The following ARPIN variants were observed in gnomAD, a reference collection of about 807,000 sequenced individuals.
The protein encoded by ARPIN is UPF0552 protein C15orf38.
A neutral mutation model predicts 25.9 loss-of-function variants in ARPIN; 23 were observed. The ratio of observed to expected loss-of-function variants is 0.89; its 90% confidence interval spans 0.64 to 1.26. The LOEUF is 1.26. Among genes scored for constraint, ARPIN ranks in the 50% most tolerant of loss-of-function variants. ARPIN has a pLI of 0.00. For missense variants in ARPIN, 333 were observed against 312.2 expected, an observed-to-expected ratio of 1.07 and a Z score of -0.50; for synonymous variants, 126 against 131.4, an observed-to-expected ratio of 0.96 and a Z score of 0.28.
Position 89,901,628 on chromosome 15 carries a change from G to A in ARPIN, c.*167C>T. 1.3e-6 allele frequency: 1 copy of A among 785,150 alleles called. No homozygotes were observed. The highest frequency in any genetic ancestry group is 2.1e-6 in the Non-Finnish European group (1 of 481,628). The allele number at this position is 785,150 out of a possible 1,614,324, so 48.6% of individuals were successfully genotyped here. A position where few individuals can be genotyped will look rare whatever the true frequency, so the allele number is the denominator to read the frequency against. On this transcript the variant is annotated 3_prime_UTR_variant, in exon 6 of 6. Coordinates refer to ENST00000357484, the MANE Select transcript of ARPIN (RefSeq NM_182616.4). ...CCCACCACCAACACAGTGGTCATGG[G>A]TTTGGTTTTAGCAGAGCTTGTTCAA...
chr15:89,896,878 C>A lies in ARPIN; in HGVS notation c.*4917G>T, dbSNP rs1896939226. On this transcript the variant is annotated 3_prime_UTR_variant, in exon 6 of 6. Coordinates refer to ENST00000357484, the MANE Select transcript of ARPIN (RefSeq NM_182616.4). ...TTTAAAAATGTTTTCATACCCAATT[C>A]TCACAAGGGCAGCATAAAAATGGTT... The A allele has an allele frequency of 6.6e-6, 1 of 152,164 alleles. No homozygotes were observed. The highest frequency in any genetic ancestry group is 1.5e-5 in the Non-Finnish European group (1 of 68,040). 9.4% of individuals were successfully genotyped at this position (152,164 alleles called of 1,614,324 possible). A position where few individuals can be genotyped will look rare whatever the true frequency, so the allele number is the denominator to read the frequency against.
rs1897240855 is a variant in ARPIN, at chr15:89,912,429, C to A, written c.92+315G>T. 6.8e-6 allele frequency: 8 copies of A among 1,180,342 alleles called. No homozygotes were observed. The South Asian group carries it at 8.7e-5, about 13-fold the overall frequency. 73.1% of individuals were successfully genotyped at this position (1,180,342 alleles called of 1,614,324 possible). A position where few individuals can be genotyped will look rare whatever the true frequency, so the allele number is the denominator to read the frequency against. ...GGCAAGTAGCTGGAGTTTATAGTTA[C>A]GCGGGTGGGGTGGGGCCGGAGGTCG... On this transcript the variant is annotated intron_variant, in intron 1 of 5. Coordinates refer to ENST00000357484, the MANE Select transcript of ARPIN (RefSeq NM_182616.4).
At chr15:89,912,663 T>TTTGGGC in intron 1 of ARPIN, 81 bp downstream of exon 1, 5 of 871,064 alleles carry the variant, frequency 5.7e-6, no homozygotes, top group Middle Eastern at 5.5e-4. Flanking sequence ...CCCACCCGCA[T>TTTGGGC]CCCACCCCCC....
chr15:89,897,667 A>T lies in ARPIN; in HGVS notation c.*4128T>A, dbSNP rs1896951633. 1 of 152,252 alleles carries T rather than the reference A, an allele frequency of 6.6e-6. No individual in the cohort carries two copies. The highest frequency in any genetic ancestry group is 1.5e-5 in the Non-Finnish European group (1 of 68,050). 9.4% of individuals were successfully genotyped at this position (152,252 alleles called of 1,614,324 possible). A position where few individuals can be genotyped will look rare whatever the true frequency, so the allele number is the denominator to read the frequency against. On this transcript the variant is annotated 3_prime_UTR_variant, in exon 6 of 6. Transcript: ENST00000357484. ...AAGTTTACAAAAACCAAAACTATGT[A>T]CACAAATTACATGCTAAAAAACCCA...
chr15:89,896,125 G>A lies in ARPIN; in HGVS notation c.*5670C>T, dbSNP rs1371473602. 2 of 152,238 alleles carry A rather than the reference G, an allele frequency of 1.3e-5. No homozygotes were observed. Among genetic ancestry groups the A allele is most frequent in the African/African-American group, 4.8e-5 (2 of 41,450 alleles). 9.4% of individuals were successfully genotyped at this position (152,238 alleles called of 1,614,324 possible). On this transcript the variant is annotated 3_prime_UTR_variant, in exon 6 of 6. Coordinates refer to ENST00000357484, the MANE Select transcript of ARPIN (RefSeq NM_182616.4). The stretch of plus-strand genomic sequence containing the variant: ...TCTGGTCTCAAACTCCTGACCTCAA[G>A]TGATTCACCCATCTCAGTCTCCCGA...
rs960023440 is a variant in ARPIN at position 89,900,394 on chromosome 15, T to C, written c.*1401A>G. ...TGTCTGAGACCCTTTTCCTGCTCTGTAATATGAATAGTCCGGTAGTTAAGA... is the reference window on the plus strand; with the variant it reads ...TGTCTGAGACCCTTTTCCTGCTCTGCAATATGAATAGTCCGGTAGTTAAGA... On this transcript the variant is annotated 3_prime_UTR_variant, in exon 6 of 6. Transcript: ENST00000357484. 5.3e-5 allele frequency: 8 copies of C among 152,262 alleles called. No homozygotes were observed. The highest frequency in any genetic ancestry group is 1.9e-4 in the African/African-American group (8 of 41,458). The allele number at this position is 152,262 out of a possible 1,614,324, so 9.4% of individuals were successfully genotyped here.
At chr15:89,903,190 C>G (rs747210248) in intron 5 of ARPIN, 26 bp downstream of exon 5, 1 of 1,614,178 alleles carries the variant, frequency 6.2e-7, no homozygotes, top group Non-Finnish European at 8.5e-7. Flanking sequence ...CCAGGAGATA[C>G]AACTGCACCA....
rs377396278 is a variant in ARPIN at position 89,904,951 on chromosome 15, C to T, written c.302-968G>A. Among the ~76,000 whole-genome samples the T allele has an allele frequency of 2.6e-4, 40 of 152,178 alleles. No homozygotes were observed. The East Asian group carries it at 4.8e-3, about 18-fold the overall frequency. On this transcript the variant is annotated intron_variant, in intron 3 of 5. Coordinates refer to ENST00000357484, the MANE Select transcript of ARPIN (RefSeq NM_182616.4). ...CCCTGACACCCTCTAGACAGAGCATCTCACTTTCTTTGCAAGGTAACAGAA... is the reference window on the plus strand; with the variant it reads ...CCCTGACACCCTCTAGACAGAGCATTTCACTTTCTTTGCAAGGTAACAGAA...
rs764564997 is a variant in ARPIN, at chr15:89,910,809, C to T, written c.103G>A (p.Val35Ile). The change falls in exon 2 of 6, where the codon GTC (valine) becomes ATC (isoleucine). Residue 35 changes from valine (V) to isoleucine (I), a missense_variant. Val to Ile is a conservative substitution (Grantham distance 29, BLOSUM62 3). Coordinates refer to ENST00000357484, the MANE Select transcript of ARPIN (RefSeq NM_182616.4). Reference protein sequence around the residue: ...DPAAHQGGNGVLLEGELIDVS... With the variant: ...DPAAHQGGNGILLEGELIDVS... ...TCGATCAGTTCTCCCTCCAGCAGGA[C>T]ACCATTTCCCCTGGGGATGAAAGGG... is the stretch of plus-strand genomic sequence containing the variant. 5.0e-6 allele frequency: 8 copies of T among 1,614,014 alleles called. No homozygotes were observed. The South Asian group carries it at 8.8e-5, about 18-fold the overall frequency.
chr15:89,912,574 G>A, intron 1 of ARPIN, 170 bp downstream of exon 1: 5 of 1,347,452 alleles, frequency 3.7e-6, no homozygotes, highest in South Asian at 1.8e-5. Flanking sequence ...GGGCGGGCGC[G>A]GCGGCAGGGG....
At chr15:89,912,576 C>T in intron 1 of ARPIN, 168 bp downstream of exon 1, 1 of 1,347,452 alleles carries the variant, frequency 7.4e-7, no homozygotes, top group Non-Finnish European at 9.5e-7. Context: ...GCGGGCGCGG[C>T]GGCAGGGGCG....
intron 2 of ARPIN, 78 bp from the exon 3 acceptor site, chr15:89,908,490 G>A (rs573502597): frequency 6.8e-5 from 108 of 1,582,674 alleles, no homozygotes; most frequent in South Asian, 6.2e-4. Context: ...CTGCAGCCCC[G>A]CCAACCTCAC....
In ARPIN at chr15:89,902,321, T is replaced by C. The variant is rs182135955; in HGVS notation, c.673-518A>G. On this transcript the variant is annotated intron_variant, in intron 5 of 5. Coordinates refer to ENST00000357484, the MANE Select transcript of ARPIN (RefSeq NM_182616.4). Reference sequence around the variant, plus strand: ...ACTTTGGGAGGCTGAGGCAGGAGAATTGCTTGAACCCGGGAGGCAAAGGTT... The same window carrying C: ...ACTTTGGGAGGCTGAGGCAGGAGAACTGCTTGAACCCGGGAGGCAAAGGTT... Among the ~76,000 whole-genome samples, 98 of 152,054 alleles carry C rather than the reference T, an allele frequency of 6.4e-4. No individual in the cohort carries two copies. The South Asian group carries it at 0.013, about 20-fold the overall frequency.
chr15:89,897,255 A>C lies in ARPIN; in HGVS notation c.*4540T>G, dbSNP rs1910587. On this transcript the variant is annotated 3_prime_UTR_variant, in exon 6 of 6. Transcript: ENST00000357484. Reference sequence around the variant, plus strand: ...ATCCCAGCAATTTGGGAGGCTGAGGAGTGAGGATCACTTGAGATCAGAAGT... The same window carrying C: ...ATCCCAGCAATTTGGGAGGCTGAGGCGTGAGGATCACTTGAGATCAGAAGT... 71,016 of 151,624 alleles carry C rather than the reference A, an allele frequency of 0.47. 16,831 individuals carry two copies. Among genetic ancestry groups the C allele is most frequent in the East Asian group, 0.63 (3,221 of 5,136 alleles). The allele number at this position is 151,624 out of a possible 1,614,324, so 9.4% of individuals were successfully genotyped here. A position where few individuals can be genotyped will look rare whatever the true frequency, so the allele number is the denominator to read the frequency against.
In ARPIN at chr15:89,903,273, C is replaced by T. The variant is rs374244809; in HGVS notation, c.615G>A (p.Ser205=). Residue 205 remains serine, a synonymous_variant, in exon 5 of 6, where the codon TCG becomes TCA. Transcript: ENST00000357484. ...CTCGGATCTCCGCTGCAGCCCCCTT[C>T]GAACACTTTTGGGCCATGATGTTGT... The part of the protein sequence containing the change: ...WTDNIMAQKC[S]KGAAAEIREQ... The T allele has an allele frequency of 3.4e-5, 55 of 1,614,226 alleles. No individual in the cohort carries two copies. The highest frequency in any genetic ancestry group is 2.7e-4 in the African/African-American group (20 of 75,056).
chr15:89,902,431 T>C, intron 5 of ARPIN, among the ~76,000 whole-genome samples: 1 of 151,002 alleles, frequency 6.6e-6, no homozygotes. Context: ...TAAAATAAAA[T>C]AATAAATGTT....
At chr15:89,903,467 C>G in intron 4 of ARPIN, 88 bp from the exon 5 acceptor site, 1 of 1,578,436 alleles carries the variant, frequency 6.3e-7, no homozygotes. Context: ...GTCCCCTAGG[C>G]CTGGGTTAAA....
At chr15:89,905,442 C>T (rs137925531) in intron 3 of ARPIN, among the ~76,000 whole-genome samples, 241 of 152,256 alleles carry the variant, frequency 1.6e-3, no homozygotes, top group Non-Finnish European at 3.0e-3. Context: ...CCCCTTCCCC[C>T]CTCCTGAGGA....
At chr15:89,904,328 C>A (rs1897081315) in intron 3 of ARPIN, among the ~76,000 whole-genome samples, 1 of 152,104 alleles carries the variant, frequency 6.6e-6, no homozygotes, top group African/African-American at 2.4e-5. Context: ...GCACATGGAC[C>A]CCTAGGTAAG....
Sources: allele counts gnomAD v4.1 joint callset (sites outside exome capture counted in the v4.1 genomes callset), GRCh38; gene constraint gnomAD v4.1.1; transcripts MANE v1.5; gene names NCBI Gene and HGNC (gene_info 2026-07-23, HGNC 2026-07-21).